Variants in CLCN3 observed in about 807,000 individuals in gnomAD.
CLCN3 encodes H(+)/Cl(-) exchange transporter 3.
Under a neutral mutation model 83.4 loss-of-function variants are expected in CLCN3, and 16 were observed. The ratio of observed to expected loss-of-function variants is 0.19; its 90% confidence interval spans 0.13 to 0.29. The LOEUF is 0.29. Among genes scored for constraint, CLCN3 ranks in the 10% least tolerant of loss-of-function variants. The pLI is 1.00. For missense variants in CLCN3, 544 were observed against 1,006.0 expected, an observed-to-expected ratio of 0.54 and a Z score of 6.21; for synonymous variants, 322 against 346.2, an observed-to-expected ratio of 0.93 and a Z score of 0.78.
At chr4:169,644,964 C>G (rs1730531521) in intron 2 of CLCN3, among the ~76,000 whole-genome samples, 1 of 152,132 alleles carries the variant, frequency 6.6e-6, no homozygotes, top group Non-Finnish European at 1.5e-5. Context: ...AACAGATTCT[C>G]CCCTGAAGCC....
intron 2 of CLCN3, among the ~76,000 whole-genome samples, chr4:169,672,039 G>A (rs550807536): frequency 2.0e-5 from 3 of 151,944 alleles, no homozygotes; most frequent in East Asian, 1.9e-4. Flanking sequence ...GTGAAACCCC[G>A]TCTCTACTAA....
intron 7 of CLCN3, among the ~76,000 whole-genome samples, chr4:169,693,084 G>T (rs1015724612): frequency 6.6e-6 from 1 of 152,040 alleles, no homozygotes; most frequent in Admixed American, 6.5e-5. Flanking sequence ...TTTAAGATAT[G>T]ATTTTTTGAA....
At chr4:169,701,872 GGT>G (rs1207062230) in intron 9 of CLCN3, among the ~76,000 whole-genome samples, 4 of 152,062 alleles carry the variant, frequency 2.6e-5, no homozygotes, top group African/African-American at 4.8e-5. Context: ...CTTCTTTTGG[GGT>G]GAGTTGCCCA....
At chr4:169,656,919 C>T (rs528782650) in intron 2 of CLCN3, among the ~76,000 whole-genome samples, 3 of 152,180 alleles carry the variant, frequency 2.0e-5, no homozygotes, top group South Asian at 2.1e-4. Flanking sequence ...ACAGCCTGGA[C>T]GTTGGAGTGA....
intron 2 of CLCN3, among the ~76,000 whole-genome samples, chr4:169,672,016 C>G (rs112753662): frequency 6.6e-6 from 1 of 151,976 alleles, no homozygotes. Flanking sequence ...TTGAGACCAT[C>G]CTGGCTAACA....
chr4:169,679,251 G>A (rs1371826656), intron 2 of CLCN3, among the ~76,000 whole-genome samples: 3 of 148,370 alleles, frequency 2.0e-5, no homozygotes, highest in East Asian at 2.0e-4. Context: ...ACATCCCAGA[G>A]GGGGCGGCCG....
intron 11 of CLCN3, among the ~76,000 whole-genome samples, chr4:169,710,957 C>G (rs1480340027): frequency 6.6e-6 from 1 of 152,156 alleles, no homozygotes; most frequent in African/African-American, 2.4e-5. Flanking sequence ...CTCCGGAGCA[C>G]ATGAGATTAG....
intron 2 of CLCN3, among the ~76,000 whole-genome samples, chr4:169,637,693 T>C (rs1359572729): frequency 6.6e-6 from 1 of 152,130 alleles, no homozygotes; most frequent in Admixed American, 6.5e-5. Context: ...CACAAAGATA[T>C]TCTCCTGTTT....
chr4:169,672,746 C>G (rs928733100), intron 2 of CLCN3, among the ~76,000 whole-genome samples: 1 of 152,130 alleles, frequency 6.6e-6, no homozygotes, highest in African/African-American at 2.4e-5. Context: ...TCACTGCAAC[C>G]TTCGCCTCCT....
chr4:169,713,121 G>A lies in CLCN3; in HGVS notation c.2192G>A (p.Arg731Gln), dbSNP rs758786674. The A allele has an allele frequency of 1.1e-5, 17 of 1,614,072 alleles. No individual in the cohort carries two copies. The highest frequency in any genetic ancestry group is 2.7e-5 in the African/African-American group (2 of 75,008). ...KKQEGIVGSS[R>Q]VCFAQHTPSL... is the part of the protein sequence containing the mutation. The stretch of plus-strand genomic sequence containing the variant: ...CAAGAAGGTATCGTTGGCAGTTCTC[G>A]GGTGTGTTTTGCACAGCACACCCCA... The change falls in exon 12 of 13, where the codon CGG becomes CAG. Residue 731 changes from arginine to glutamine, a missense_variant. Coordinates refer to ENST00000513761, the MANE Select transcript of CLCN3 (RefSeq NM_001829.4).
intron 9 of CLCN3, among the ~76,000 whole-genome samples, chr4:169,701,540 A>T (rs190181768): frequency 6.6e-6 from 1 of 152,156 alleles, no homozygotes; most frequent in African/African-American, 2.4e-5. Context: ...GCCCGGATCA[A>T]TCAGAGAAGT....
chr4:169,679,567 C>G (rs1425081782), intron 2 of CLCN3, among the ~76,000 whole-genome samples: 5 of 152,078 alleles, frequency 3.3e-5, no homozygotes, highest in Admixed American at 1.3e-4. Flanking sequence ...TGTAGCGAGC[C>G]GAGATCACGC....
intron 2 of CLCN3, among the ~76,000 whole-genome samples, chr4:169,671,600 A>G (rs574595781): frequency 5.5e-4 from 84 of 152,316 alleles, no homozygotes; most frequent in Non-Finnish European, 8.4e-4. Flanking sequence ...TGTATCCCAG[A>G]ACTTAAATTT....
intron 2 of CLCN3, chr4:169,660,548 T>C (rs1581217226): frequency 5.3e-6 from 4 of 757,306 alleles, no homozygotes; most frequent in African/African-American, 1.8e-5. Context: ...CTTTAAATAC[T>C]GCAGTACGTT....
intron 3 of CLCN3, among the ~76,000 whole-genome samples, chr4:169,686,912 A>G (rs1379586760): frequency 6.6e-6 from 1 of 152,190 alleles, no homozygotes; most frequent in African/African-American, 2.4e-5. Context: ...AGTAGAGGAC[A>G]CTTTTGCCTT....
chr4:169,678,789 A>G (rs1731784660), intron 2 of CLCN3, among the ~76,000 whole-genome samples: 1 of 152,232 alleles, frequency 6.6e-6, no homozygotes, highest in Admixed American at 6.5e-5. Flanking sequence ...TTAGTACAGA[A>G]CAAAATGGAG....
rs746935287 is a variant in CLCN3, at chr4:169,719,889, T to C, written c.2367-18T>C. On this transcript the variant is annotated intron_variant, in intron 12 of 12. Coordinates refer to ENST00000513761, the MANE Select transcript of CLCN3 (RefSeq NM_001829.4). ...TTTCCCTTTTATTTCATAGGAGTCT[T>C]CTGTTTATTCCTTTCAGGCGCCTCC... 1 of 1,590,060 alleles carries C rather than the reference T, an allele frequency of 6.3e-7. No homozygotes were observed. Among genetic ancestry groups the C allele is most frequent in the Admixed American group, 1.9e-5 (1 of 53,916 alleles).
At chr4:169,692,553 T>G (rs1481791179) in intron 7 of CLCN3, among the ~76,000 whole-genome samples, 1 of 152,210 alleles carries the variant, frequency 6.6e-6, no homozygotes, top group East Asian at 1.9e-4. Flanking sequence ...TGGTGTCCAT[T>G]GGGTTTCAGC....
chr4:169,709,592 G>A (rs1371860397), intron 11 of CLCN3, among the ~76,000 whole-genome samples: 1 of 151,920 alleles, frequency 6.6e-6, no homozygotes, highest in Admixed American at 6.6e-5. Flanking sequence ...GGCTGAGGCA[G>A]GAGAATCACT....
Sources: allele counts gnomAD v4.1 joint callset (sites outside exome capture counted in the v4.1 genomes callset), GRCh38; gene constraint gnomAD v4.1.1; transcripts MANE v1.5; gene names NCBI Gene and HGNC (gene_info 2026-07-23, HGNC 2026-07-21).